UTRN: variants seen among roughly 807,000 people sequenced by gnomAD.
The protein encoded by UTRN is utrophin, also known as dystrophin-related protein 1.
A neutral mutation model predicts 463.9 loss-of-function variants in UTRN; 283 were observed. That is an observed-to-expected ratio of 0.61 (90% CI 0.55 to 0.67). The LOEUF (loss-of-function observed/expected upper bound fraction) is 0.67, where lower values mean the gene tolerates loss of function less well. Among genes scored for constraint, UTRN ranks in the 30% least tolerant of loss-of-function variants. The pLI, the probability that UTRN is intolerant of heterozygous loss-of-function variation, is 0.00. For missense variants in UTRN, 3,922 were observed against 4,084.3 expected (o/e 0.96, Z 1.08); for synonymous variants, 1,442 against 1,431.5 (o/e 1.01, Z -0.17).
At chr6:144,361,069 C>T (rs989212010) in intron 2 of UTRN, among the ~76,000 whole-genome samples, 4 of 152,322 alleles carry the variant, frequency 2.6e-5, no homozygotes, top group Admixed American at 2.0e-4. Flanking sequence ...AATTTAACTT[C>T]ACCGATTCAA....
At chr6:144,339,170 T>A (rs1390453736) in intron 2 of UTRN, among the ~76,000 whole-genome samples, 1 of 152,136 alleles carries the variant, frequency 6.6e-6, no homozygotes, top group Non-Finnish European at 1.5e-5. Flanking sequence ...ATAAGGTTGA[T>A]GAAACTGACT....
intron 2 of UTRN, among the ~76,000 whole-genome samples, chr6:144,346,187 A>AAT (rs555065276): frequency 0.063 from 9,615 of 151,608 alleles, 1,022 homozygotes; most frequent in African/African-American, 0.22. Flanking sequence ...CAAAAAAAAA[A>AAT]AAAATAAAAT....
At chr6:144,614,935 G>GT (rs1805922253) in intron 51 of UTRN, among the ~76,000 whole-genome samples, 1 of 152,032 alleles carries the variant, frequency 6.6e-6, no homozygotes, top group Non-Finnish European at 1.5e-5. Flanking sequence ...GAACCTTTAA[G>GT]AAACCCTCAA....
rs1804712106 is a variant in UTRN, at chr6:144,296,460, TTTAA to T, written c.79+4558_79+4561del. Among the ~76,000 whole-genome samples, 4 of 152,342 alleles carry T rather than the reference TTTAA, an allele frequency of 2.6e-5. No homozygotes were observed. In the South Asian group the frequency reaches 8.3e-4, roughly 32 times the overall value. ...CCAAAAAGGCTGGGGACTGCTGCAC[TTTAA>T]TTAACTCCCCAAGAGCAGGGACCAA... is the stretch of plus-strand genomic sequence containing the variant. On this transcript the variant is annotated intron_variant, in intron 2 of 74. Coordinates refer to ENST00000367545, the MANE Select transcript of UTRN (RefSeq NM_007124.3).
chr6:144,457,983 G>A (rs1789037773), intron 19 of UTRN, among the ~76,000 whole-genome samples: 1 of 152,174 alleles, frequency 6.6e-6, no homozygotes, highest in African/African-American at 2.4e-5. Context: ...GGATTTGAAG[G>A]TATTTTAGAT....
At chr6:144,777,351 T>A (rs150544133) in intron 60 of UTRN, among the ~76,000 whole-genome samples, 223 of 152,164 alleles carry the variant, frequency 1.5e-3, no homozygotes, top group African/African-American at 5.3e-3. Flanking sequence ...AATGAAAAAA[T>A]TAAATGGCAG....
chr6:144,550,630 A>AT (rs1371861151), intron 47 of UTRN, among the ~76,000 whole-genome samples: 1 of 152,154 alleles, frequency 6.6e-6, no homozygotes, highest in East Asian at 1.9e-4. Flanking sequence ...TTTTCAGGGC[A>AT]TTTTTCAGCT....
intron 54 of UTRN, among the ~76,000 whole-genome samples, chr6:144,742,603 T>C (rs1294734048): frequency 6.6e-6 from 1 of 152,156 alleles, no homozygotes; most frequent in Non-Finnish European, 1.5e-5. Context: ...TCTACAGATA[T>C]CTAAGCCTCC....
At chr6:144,754,881 T>G in intron 57 of UTRN, 83 bp downstream of exon 57, 1 of 1,328,626 alleles carries the variant, frequency 7.5e-7, no homozygotes, top group Non-Finnish European at 1.1e-6. Context: ...GCCGTATTCC[T>G]TGCTATAAAT....
intron 46 of UTRN, 138 bp from the exon 47 acceptor site, chr6:144,548,502 T>C: frequency 1.4e-6 from 1 of 725,036 alleles, no homozygotes; most frequent in Admixed American, 2.9e-5. Context: ...GCCATTTCAG[T>C]ATGAAAAAAT....
chr6:144,633,009 C>T (rs901665906), intron 51 of UTRN, among the ~76,000 whole-genome samples: 5 of 152,066 alleles, frequency 3.3e-5, no homozygotes, highest in African/African-American at 4.8e-5. Context: ...GCATGAGCCA[C>T]CATGCCTGGC....
intron 65 of UTRN, among the ~76,000 whole-genome samples, chr6:144,810,081 C>T (rs376660141): frequency 1.2e-4 from 18 of 152,210 alleles, no homozygotes; most frequent in Admixed American, 3.3e-4. Context: ...ATGAACTAGG[C>T]GAACTTAGCA....
chr6:144,432,910 G>T (rs1252452921), intron 9 of UTRN, among the ~76,000 whole-genome samples: 1 of 152,104 alleles, frequency 6.6e-6, no homozygotes, highest in Admixed American at 6.5e-5. Flanking sequence ...CTGCCTTCTA[G>T]CATCTGTTTA....
intron 2 of UTRN, among the ~76,000 whole-genome samples, chr6:144,324,998 C>T (rs1009444998): frequency 6.6e-5 from 10 of 152,154 alleles, no homozygotes; most frequent in African/African-American, 2.4e-4. Context: ...GAGCTTTCCC[C>T]TTCTTCCTCA....
At chr6:144,381,982 A>G (rs149661966) in intron 2 of UTRN, among the ~76,000 whole-genome samples, 2 of 152,294 alleles carry the variant, frequency 1.3e-5, no homozygotes, top group Non-Finnish European at 2.9e-5. Context: ...ACAGTGTGTA[A>G]GTGTTCCTTT....
intron 55 of UTRN, among the ~76,000 whole-genome samples, chr6:144,749,272 A>C (rs1228069805): frequency 6.6e-6 from 1 of 152,224 alleles, no homozygotes; most frequent in East Asian, 1.9e-4. Context: ...GTCAGATAAA[A>C]ATAAGTACTG....
At chr6:144,635,138 G>GTTTTTT (rs149100143) in intron 51 of UTRN, among the ~76,000 whole-genome samples, 1 of 103,110 alleles carries the variant, frequency 9.7e-6, no homozygotes. Flanking sequence ...TTATTTGTGT[G>GTTTTTT]TTTTTTTTTT....
intron 53 of UTRN, among the ~76,000 whole-genome samples, chr6:144,717,629 T>C (rs889894141): frequency 9.2e-6 from 1 of 109,184 alleles, no homozygotes; most frequent in African/African-American, 6.0e-5. Flanking sequence ...TTTCTTTTCT[T>C]TTTTCTTTTT....
chr6:144,581,352 A>G (rs889766573), intron 51 of UTRN, among the ~76,000 whole-genome samples: 5 of 152,224 alleles, frequency 3.3e-5, no homozygotes, highest in Non-Finnish European at 7.3e-5. Context: ...TACATTTGGC[A>G]TTACCAATTA....
Sources: gnomAD v4.1 joint callset for allele counts (sites outside exome capture counted in the v4.1 genomes callset) on GRCh38, gnomAD v4.1.1 for gene constraint, MANE v1.5 for transcripts, NCBI Gene and HGNC (gene_info 2026-07-23, HGNC 2026-07-21) for gene names.